The following GSE1 variants were observed in gnomAD, a reference collection of about 807,000 sequenced individuals.
The protein encoded by GSE1 is genetic suppressor element 1.
Under a neutral mutation model 112.6 loss-of-function variants are expected in GSE1, and 32 were observed. The ratio of observed to expected loss-of-function variants is 0.28; its 90% CI spans 0.21 to 0.38. The LOEUF (loss-of-function observed/expected upper bound fraction) is 0.38. GSE1 is among the 10% of genes least tolerant of loss of function. The pLI is 1.00. For missense variants in GSE1, 2,348 were observed against 1,699.2 expected (o/e 1.38, Z -6.71); for synonymous variants, 1,115 against 735.6 (o/e 1.52, Z -8.35).
In GSE1 at chr16:85,648,598, C is replaced by T. The variant is rs150142654; in HGVS notation, c.273C>T (p.Thr91=). ...SESSPVSSPA[T]NHSSPASTPK... ...CGTCCCCCGTGTCCTCTCCGGCCAC[C>T]AACCACAGCTCCCCCGCCAGCACAC... Residue 91 remains threonine, a synonymous_variant, in exon 3 of 16, where the codon ACC becomes ACT. Transcript: ENST00000253458. 1.5e-4 allele frequency: 233 copies of T among 1,605,334 alleles called. 3 individuals carry two copies. The South Asian group carries it at 1.7e-3, about 12-fold the overall frequency.
At chr16:85,595,463 T>TC (rs948537688) in intron 1 of GSE1, 1 of 152,184 alleles carries the variant, frequency 6.6e-6, no homozygotes, top group African/African-American at 2.4e-5. Context: ...TGAGAACCCC[T>TC]CAGGGCAGAT....
chr16:85,300,988 T>G (rs2045507512), intron 1 of GSE1, among the ~76,000 whole-genome samples: 1 of 152,128 alleles, frequency 6.6e-6, no homozygotes, highest in Non-Finnish European at 1.5e-5. Flanking sequence ...GATGGCAGCA[T>G]TCGGCCACAG....
intron 2 of GSE1, among the ~76,000 whole-genome samples, chr16:85,410,301 CT>C (rs200766810): frequency 7.2e-5 from 4 of 55,832 alleles, no homozygotes; most frequent in African/African-American, 1.2e-4. Flanking sequence ...TCAGGGCCCC[CT>C]GGATAATCCT....
At chr16:85,443,698 C>T (rs1036499154) in intron 2 of GSE1, among the ~76,000 whole-genome samples, 2 of 152,236 alleles carry the variant, frequency 1.3e-5, no homozygotes, top group African/African-American at 2.4e-5. Context: ...CACCCACCTG[C>T]CTTCCCTGCT....
chr16:85,422,248 CATT>C (rs2048862278), intron 2 of GSE1, among the ~76,000 whole-genome samples: 1 of 152,176 alleles, frequency 6.6e-6, no homozygotes, highest in Non-Finnish European at 1.5e-5. Flanking sequence ...ATCCCGTTGA[CATT>C]ATCGGCATGA....
Position 85,675,634 on chromosome 16 carries a change from A to G in GSE1, c.*3095A>G, listed in dbSNP as rs900343629. The stretch of plus-strand genomic sequence containing the variant: ...TTGTAGCAGAATGGTATTTTCCTCA[A>G]GTAGCTCATAATACTGCCAAATCTC... On this transcript the variant is annotated 3_prime_UTR_variant, in exon 16 of 16. Transcript: ENST00000253458. 1 of 152,206 alleles carries G rather than the reference A, an allele frequency of 6.6e-6. No homozygotes were observed. The highest frequency in any genetic ancestry group is 1.5e-5 in the Non-Finnish European group (1 of 68,032). The allele number at this position is 152,206 out of a possible 1,614,324, so 9.4% of individuals were successfully genotyped here. A position where few individuals can be genotyped will look rare whatever the true frequency, so the allele number is the denominator to read the frequency against.
At chr16:85,570,867 T>TC (rs1294792240) in intron 1 of GSE1, among the ~76,000 whole-genome samples, 1 of 152,172 alleles carries the variant, frequency 6.6e-6, no homozygotes, top group African/African-American at 2.4e-5. Flanking sequence ...AGCCACTGAC[T>TC]CCAAGTTTCT....
intron 1 of GSE1, among the ~76,000 whole-genome samples, chr16:85,303,265 C>G (rs923806764): frequency 1.3e-5 from 2 of 152,220 alleles, no homozygotes; most frequent in African/African-American, 4.8e-5. Flanking sequence ...TGGTTGGGTT[C>G]CTATCTGGGG....
Position 85,274,895 on chromosome 16 carries a change from C to G in GSE1, c.2284-82568C>G, listed in dbSNP as rs1194582961. On this transcript the variant is annotated intron_variant, in intron 1 of 2. Transcript: ENST00000637419. Reference sequence around the variant, plus strand: ...CCTGCAGATGCATGTGGGGCCTGGCCCTCACTGCCCCTGTTCCAGTTCCGG... The same window carrying G: ...CCTGCAGATGCATGTGGGGCCTGGCGCTCACTGCCCCTGTTCCAGTTCCGG... 2.0e-5 allele frequency among the ~76,000 whole-genome samples: 3 copies of G among 152,234 alleles called. 1 individual carries two copies. The highest frequency in any genetic ancestry group is 6.3e-3 in the Middle Eastern group (2 of 316).
chr16:85,461,284 C>T (rs779412326), intron 2 of GSE1, among the ~76,000 whole-genome samples: 15 of 152,342 alleles, frequency 9.8e-5, no homozygotes, highest in South Asian at 4.1e-4. Flanking sequence ...GTGCCAGCAG[C>T]GCTGTGACCC....
intron 2 of GSE1, among the ~76,000 whole-genome samples, chr16:85,495,179 C>T (rs2051130770): frequency 6.6e-6 from 1 of 152,154 alleles, no homozygotes; most frequent in Non-Finnish European, 1.5e-5. Context: ...ATGGCTGGGC[C>T]TGTTCCCCGA....
Position 85,291,487 on chromosome 16 carries a change from C to A in GSE1, c.2284-65976C>A, listed in dbSNP as rs188164231. On this transcript the variant is annotated intron_variant, in intron 1 of 2. Coordinates refer to the GSE1 transcript ENST00000637419. ...CTCCCCAGCCTCCTCCCCCGGCCCCCGCGTGAGCCCTGGTGTCCCATGGGG... is the reference window on the plus strand; with the variant it reads ...CTCCCCAGCCTCCTCCCCCGGCCCCAGCGTGAGCCCTGGTGTCCCATGGGG... 3.3e-4 allele frequency among the ~76,000 whole-genome samples: 50 copies of A among 152,368 alleles called. No homozygotes were observed. In the East Asian group the frequency reaches 9.4e-3, roughly 29 times the overall value.
chr16:85,600,138 T>C (rs1053184516), intron 1 of GSE1, among the ~76,000 whole-genome samples: 1 of 152,216 alleles, frequency 6.6e-6, no homozygotes, highest in African/African-American at 2.4e-5. Context: ...GCCCGCTCCA[T>C]CCACGTGGCT....
chr16:85,197,587 C>T lies in GSE1; in HGVS notation c.2283+25780C>T, dbSNP rs368476259. 9.9e-5 allele frequency among the ~76,000 whole-genome samples: 15 copies of T among 152,266 alleles called. No homozygotes were observed. In the East Asian group the frequency reaches 1.5e-3, roughly 16 times the overall value. Reference sequence around the variant, plus strand: ...TGGGTCCTGGGGACAGTGTTTCCTGCGTCGCCGGCAGTCACAAGAGCGCTG... The same window carrying T: ...TGGGTCCTGGGGACAGTGTTTCCTGTGTCGCCGGCAGTCACAAGAGCGCTG... On this transcript the variant is annotated intron_variant, in intron 1 of 2. Transcript: ENST00000637419.
At chr16:85,386,236 G>A (rs991035555) in intron 2 of GSE1, among the ~76,000 whole-genome samples, 1 of 152,212 alleles carries the variant, frequency 6.6e-6, no homozygotes, top group African/African-American at 2.4e-5. Flanking sequence ...CCCTGACGCC[G>A]TGGCAGGTGC....
chr16:85,542,561 G>C (rs2044558126), intron 2 of GSE1, among the ~76,000 whole-genome samples: 1 of 152,260 alleles, frequency 6.6e-6, no homozygotes, highest in African/African-American at 2.4e-5. Flanking sequence ...AGATGCTTCT[G>C]GGTTGCTCCA....
intron 2 of GSE1, among the ~76,000 whole-genome samples, chr16:85,484,674 G>A (rs146284192): frequency 1.0e-3 from 153 of 152,336 alleles, no homozygotes; most frequent in African/African-American, 3.4e-3. Context: ...GGAAGTAGGC[G>A]CAGAGAAGCT....
intron 2 of GSE1, among the ~76,000 whole-genome samples, chr16:85,435,417 G>T (rs78146182): frequency 9.9e-5 from 15 of 152,120 alleles, no homozygotes; most frequent in Non-Finnish European, 1.6e-4. Flanking sequence ...TCTAGAGATC[G>T]AGACCTGCAC....
chr16:85,204,233 G>A (rs1450157329), intron 1 of GSE1, among the ~76,000 whole-genome samples: 1 of 152,150 alleles, frequency 6.6e-6, no homozygotes, highest in Non-Finnish European at 1.5e-5. Context: ...TGTGACCTTT[G>A]TGTTTAGCTT....
Sources: gnomAD v4.1 joint callset for allele counts (sites outside exome capture counted in the v4.1 genomes callset) on GRCh38, gnomAD v4.1.1 for gene constraint, MANE v1.5 for transcripts, NCBI Gene and HGNC (gene_info 2026-07-23, HGNC 2026-07-21) for gene names.